The following DLG2 variants were observed in gnomAD, a reference collection of about 807,000 sequenced individuals.
DLG2 encodes disks large homolog 2.
DLG2 carries 45 observed loss-of-function variants against 132.5 expected under a neutral mutation model. That is an observed-to-expected ratio of 0.34 (90% CI 0.27 to 0.44). The LOEUF is 0.44. Among genes scored for constraint, DLG2 ranks in the 20% least tolerant of loss-of-function variants. The probability of loss-of-function intolerance (pLI) is 1.00; values close to 1 mark genes in which losing one functional copy is unlikely to be tolerated. For missense variants in DLG2, 1,045 were observed against 1,196.9 expected (o/e 0.87, Z 1.87); for synonymous variants, 424 against 419.6 (o/e 1.01, Z -0.13).
chr11:84,826,117 A>G (rs2078300338), intron 6 of DLG2, among the ~76,000 whole-genome samples: 1 of 151,868 alleles, frequency 6.6e-6, no homozygotes, highest in Non-Finnish European at 1.5e-5. Flanking sequence ...AAATATTTTG[A>G]CACAGGCATG....
At position 84,048,256 on chromosome 11, in the gene DLG2, T is replaced by G. The variant is rs75787064; in HGVS notation, c.919+11059A>C. Reference sequence around the variant, plus strand: ...GACTGTTTCCCTGGTTTAAGACAAATAGTTCACCACTTTCTTTCTTATTCC... The same window carrying G: ...GACTGTTTCCCTGGTTTAAGACAAAGAGTTCACCACTTTCTTTCTTATTCC... On this transcript the variant is annotated intron_variant, in intron 11 of 27. Coordinates refer to ENST00000376104, the MANE Select transcript of DLG2 (RefSeq NM_001142699.3). Among the ~76,000 whole-genome samples the G allele has an allele frequency of 6.5e-3, 992 of 151,704 alleles. 10 individuals carry two copies. Among genetic ancestry groups the G allele is most frequent in the African/African-American group, 0.022 (931 of 41,456 alleles).
At chr11:84,882,513 G>A (rs1435006700) in intron 6 of DLG2, among the ~76,000 whole-genome samples, 1 of 152,032 alleles carries the variant, frequency 6.6e-6, no homozygotes, top group African/African-American at 2.4e-5. Context: ...AATGTAGTAG[G>A]AAGAATCAGA....
At chr11:85,210,821 A>C (rs746336777) in intron 4 of DLG2, among the ~76,000 whole-genome samples, 19 of 152,130 alleles carry the variant, frequency 1.2e-4, no homozygotes, top group Admixed American at 6.6e-4. Flanking sequence ...AAACTGCTAC[A>C]ATCTGAGATT....
intron 3 of DLG2, among the ~76,000 whole-genome samples, chr11:85,595,369 TA>T (rs1477300719): frequency 2.0e-5 from 3 of 152,132 alleles, no homozygotes; most frequent in Admixed American, 2.0e-4. Flanking sequence ...CATAAAATAT[TA>T]TGGAATTCCA....
intron 7 of DLG2, among the ~76,000 whole-genome samples, chr11:84,344,007 C>T (rs1162920679): frequency 6.6e-6 from 1 of 152,042 alleles, no homozygotes; most frequent in Non-Finnish European, 1.5e-5. Context: ...GTGATGTGCC[C>T]AGATTCATGC....
chr11:84,777,473 G>C (rs2070873780), intron 6 of DLG2, among the ~76,000 whole-genome samples: 1 of 151,236 alleles, frequency 6.6e-6, no homozygotes, highest in African/African-American at 2.4e-5. Flanking sequence ...CTTAGAGTGG[G>C]ATTGCTGTAT....
At chr11:83,568,823 G>A (rs2096751360) in intron 19 of DLG2, among the ~76,000 whole-genome samples, 1 of 152,100 alleles carries the variant, frequency 6.6e-6, no homozygotes, top group South Asian at 2.1e-4. Context: ...GGAAGGAAAA[G>A]GCTTTGTAAA....
At chr11:85,582,859 G>A (rs1355742025) in intron 3 of DLG2, among the ~76,000 whole-genome samples, 1 of 148,952 alleles carries the variant, frequency 6.7e-6, no homozygotes, top group Non-Finnish European at 1.5e-5. Flanking sequence ...CATGATTAAG[G>A]CATTTTGTAA....
At chr11:84,687,539 C>T (rs1422663289) in intron 6 of DLG2, among the ~76,000 whole-genome samples, 1 of 152,056 alleles carries the variant, frequency 6.6e-6, no homozygotes, top group Non-Finnish European at 1.5e-5. Context: ...CCTGTCTTTC[C>T]TCCAGTCTAT....
At chr11:85,001,891 G>A (rs1021768167) in intron 6 of DLG2, among the ~76,000 whole-genome samples, 1 of 152,096 alleles carries the variant, frequency 6.6e-6, no homozygotes, top group Non-Finnish European at 1.5e-5. Flanking sequence ...TGCTCAATAT[G>A]GGGTATATGG....
At chr11:85,479,114 C>A (rs1486786351) in intron 3 of DLG2, among the ~76,000 whole-genome samples, 1 of 152,160 alleles carries the variant, frequency 6.6e-6, no homozygotes, top group African/African-American at 2.4e-5. Context: ...ATACATTCAA[C>A]AAAGGAGTCA....
At chr11:84,336,865 A>G (rs2098487200) in intron 7 of DLG2, among the ~76,000 whole-genome samples, 1 of 152,206 alleles carries the variant, frequency 6.6e-6, no homozygotes, top group African/African-American at 2.4e-5. Context: ...CAAATTGAGT[A>G]TTCTTGCTCT....
rs530777700 is a variant in DLG2 at position 84,370,348 on chromosome 11, T to C, written c.520-119057A>G. The stretch of plus-strand genomic sequence containing the variant: ...GAAAAATAAACTATGTAATTACACC[T>C]TTAAAATCCACCATTTCCAAGGAAT... On this transcript the variant is annotated intron_variant, in intron 7 of 27. Coordinates refer to ENST00000376104, the MANE Select transcript of DLG2 (RefSeq NM_001142699.3). Among the ~76,000 whole-genome samples the C allele has an allele frequency of 2.0e-5, 3 of 152,282 alleles. No homozygotes were observed. The South Asian group carries it at 6.2e-4, about 32-fold the overall frequency.
intron 15 of DLG2, among the ~76,000 whole-genome samples, chr11:83,904,597 T>C (rs2074261400): frequency 6.6e-6 from 1 of 152,172 alleles, no homozygotes. Context: ...TTCAAAGATA[T>C]TTGTATAGTA....
chr11:83,902,523 G>A (rs2073753441), intron 15 of DLG2, among the ~76,000 whole-genome samples: 1 of 152,176 alleles, frequency 6.6e-6, no homozygotes, highest in Non-Finnish European at 1.5e-5. Flanking sequence ...AGAATGATAA[G>A]TGATTTTAAA....
chr11:83,671,813 A>G (rs930996655), intron 18 of DLG2, among the ~76,000 whole-genome samples: 8 of 152,200 alleles, frequency 5.3e-5, no homozygotes, highest in African/African-American at 1.4e-4. Flanking sequence ...CACATCTCAA[A>G]TATTACCAAT....
chr11:85,555,356 G>A (rs538650479), intron 3 of DLG2, among the ~76,000 whole-genome samples: 2 of 151,976 alleles, frequency 1.3e-5, no homozygotes, highest in African/African-American at 4.8e-5. Context: ...AAATGTTTCA[G>A]GGAGTAGAAT....
At chr11:85,265,680 TC>T (rs2077172257) in intron 4 of DLG2, among the ~76,000 whole-genome samples, 1 of 152,206 alleles carries the variant, frequency 6.6e-6, no homozygotes, top group African/African-American at 2.4e-5. Context: ...TTTTTACCAA[TC>T]AAATGTTGCC....
chr11:85,056,384 T>A (rs971408900), intron 6 of DLG2, among the ~76,000 whole-genome samples: 32 of 151,992 alleles, frequency 2.1e-4, no homozygotes, highest in Non-Finnish European at 1.2e-4. Flanking sequence ...CAGAATTCAA[T>A]AGGGGAATTT....
Sources: allele counts gnomAD v4.1 joint callset (sites outside exome capture counted in the v4.1 genomes callset), GRCh38; gene constraint gnomAD v4.1.1; transcripts MANE v1.5; gene names NCBI Gene and HGNC (gene_info 2026-07-23, HGNC 2026-07-21).